The following GOLIM4 variants were observed in gnomAD, a reference collection of about 807,000 sequenced individuals.
GOLIM4 encodes 130 kDa golgi-localized phosphoprotein.
GOLIM4 carries 71 observed loss-of-function variants against 107.4 expected under a neutral mutation model. That is an observed-to-expected ratio of 0.66 (90% CI 0.55 to 0.81). The LOEUF is 0.81. GOLIM4 is among the 30% of genes least tolerant of loss of function. GOLIM4 has a pLI of 0.00. For synonymous variants in GOLIM4, 327 were observed against 294.8 expected, an observed-to-expected ratio of 1.11 and a Z score of -1.12; for missense variants, 830 against 826.1, an observed-to-expected ratio of 1.00 and a Z score of -0.06.
intron 9 of GOLIM4, among the ~76,000 whole-genome samples, chr3:168,030,715 C>T (rs925347174): frequency 8.5e-5 from 13 of 152,182 alleles, no homozygotes; most frequent in East Asian, 3.9e-4. Flanking sequence ...CAACAACAAA[C>T]GCTAGTGAGG....
intron 1 of GOLIM4, among the ~76,000 whole-genome samples, chr3:168,064,602 A>ATTT (rs202087898): frequency 6.5e-4 from 94 of 144,500 alleles, no homozygotes; most frequent in African/African-American, 1.1e-3. Flanking sequence ...ATACTTGGGG[A>ATTT]TTTTTTTTTT....
intron 14 of GOLIM4, among the ~76,000 whole-genome samples, chr3:168,012,828 C>G (rs1476891656): frequency 6.6e-6 from 1 of 151,992 alleles, no homozygotes; most frequent in Non-Finnish European, 1.5e-5. Context: ...CCTTTACAGA[C>G]AAGCAAATGC....
chr3:168,070,087 T>C (rs1026317512), intron 1 of GOLIM4, among the ~76,000 whole-genome samples: 1 of 152,156 alleles, frequency 6.6e-6, no homozygotes, highest in African/African-American at 2.4e-5. Context: ...CCAAAGGTCA[T>C]CCAGGTATTT....
In GOLIM4 at chr3:168,027,671, C is replaced by A. The variant is rs978644277; in HGVS notation, c.1623+57G>T. On this transcript the variant is annotated intron_variant, in intron 12 of 15. Coordinates refer to ENST00000470487, the MANE Select transcript of GOLIM4 (RefSeq NM_014498.5). ...AGGCTGGCATCAGGCAAGTTTTCAA[C>A]TCTCTTTCCCACCTTATGAGTTTAC... is the stretch of plus-strand genomic sequence containing the variant. The A allele has an allele frequency of 9.4e-6, 10 of 1,065,874 alleles. No individual in the cohort carries two copies. In the African/African-American group the frequency reaches 1.4e-4, roughly 15 times the overall value. The allele number at this position is 1,065,874 out of a possible 1,614,324, so 66.0% of individuals were successfully genotyped here.
At position 168,010,378 on chromosome 3, in the gene GOLIM4, C is replaced by T. The variant is rs192864785; in HGVS notation, c.1982G>A (p.Arg661Gln). 2 of 1,611,776 alleles carry T rather than the reference C, an allele frequency of 1.2e-6. No individual in the cohort carries two copies. Among genetic ancestry groups the T allele is most frequent in the Non-Finnish European group, 1.7e-6 (2 of 1,178,202 alleles). Residue 661 changes from arginine to glutamine, a missense_variant, in exon 16 of 16, where the codon CGA becomes CAA. Transcript: ENST00000470487. ...KNNDGEEQEV[R>Q]DDNRPKGREE... ...TCGGCCTTTGGGGCGGTTGTCATCT[C>T]GAACTTCTTGCTCTTCTCCATCATT...
intron 1 of GOLIM4, among the ~76,000 whole-genome samples, chr3:168,087,566 G>T (rs1292128045): frequency 1.3e-5 from 2 of 152,160 alleles, no homozygotes; most frequent in East Asian, 3.8e-4. Context: ...CCCTGGAAAT[G>T]CTGCATCAAA....
intron 1 of GOLIM4, among the ~76,000 whole-genome samples, chr3:168,084,578 T>C (rs1333738519): frequency 6.6e-6 from 1 of 152,084 alleles, no homozygotes; most frequent in Non-Finnish European, 1.5e-5. Flanking sequence ...CATGGCAGAG[T>C]CACCCAGTTA....
At chr3:168,034,293 G>A (rs1718515463) in intron 8 of GOLIM4, among the ~76,000 whole-genome samples, 1 of 152,198 alleles carries the variant, frequency 6.6e-6, no homozygotes, top group African/African-American at 2.4e-5. Context: ...GGTTAGTGCA[G>A]ATAACTCCTA....
At chr3:168,060,246 A>G (rs1720188433) in intron 1 of GOLIM4, among the ~76,000 whole-genome samples, 1 of 152,126 alleles carries the variant, frequency 6.6e-6, no homozygotes, top group Admixed American at 6.6e-5. Context: ...CTGAGCAGAA[A>G]TGATGTTGAC....
At chr3:168,088,177 G>C (rs758751177) in intron 1 of GOLIM4, among the ~76,000 whole-genome samples, 1 of 152,044 alleles carries the variant, frequency 6.6e-6, no homozygotes, top group South Asian at 2.1e-4. Context: ...AGCATTTTCA[G>C]GTTTTTTCCA....
At chr3:168,068,259 G>A (rs1279787715) in intron 1 of GOLIM4, among the ~76,000 whole-genome samples, 1 of 151,978 alleles carries the variant, frequency 6.6e-6, no homozygotes, top group Admixed American at 6.5e-5. Context: ...ATTCATGGAT[G>A]CATTTTTCTG....
At chr3:168,064,652 G>A (rs1457517835) in intron 1 of GOLIM4, among the ~76,000 whole-genome samples, 1 of 150,316 alleles carries the variant, frequency 6.7e-6, no homozygotes, top group Admixed American at 6.6e-5. Context: ...GCCCAGGCTG[G>A]TCTCAAACTC....
intron 8 of GOLIM4, among the ~76,000 whole-genome samples, chr3:168,033,761 G>A (rs1718483544): frequency 6.6e-6 from 1 of 150,468 alleles, no homozygotes; most frequent in Non-Finnish European, 1.5e-5. Flanking sequence ...GGACTCTTTT[G>A]TAAACATTTT....
At chr3:168,021,084 C>A (rs1423694120) in intron 14 of GOLIM4, among the ~76,000 whole-genome samples, 1 of 152,090 alleles carries the variant, frequency 6.6e-6, no homozygotes, top group Non-Finnish European at 1.5e-5. Flanking sequence ...AGAAATGAGC[C>A]TTATCTGATG....
chr3:168,057,846 C>T (rs879351446), intron 1 of GOLIM4, among the ~76,000 whole-genome samples: 2 of 152,138 alleles, frequency 1.3e-5, no homozygotes, highest in African/African-American at 4.8e-5. Flanking sequence ...TAGTGATATT[C>T]GACAGCACTT....
chr3:168,074,104 G>A (rs904161544), intron 1 of GOLIM4, among the ~76,000 whole-genome samples: 5 of 152,214 alleles, frequency 3.3e-5, no homozygotes, highest in African/African-American at 1.2e-4. Flanking sequence ...CCGAGGAGGG[G>A]CGCACACAGA....
At chr3:168,046,805 C>CAAAAAAAAAAAAA (rs1719330723) in intron 3 of GOLIM4, 145 bp downstream of exon 3, 1 of 398,098 alleles carries the variant, frequency 2.5e-6, no homozygotes, top group African/African-American at 2.7e-5. Context: ...TTTTTGGCAG[C>CAAAAAAAAAAAAA]CAAAAAAAAA....
At chr3:168,034,856 T>C (rs557655117) in intron 8 of GOLIM4, among the ~76,000 whole-genome samples, 2 of 152,350 alleles carry the variant, frequency 1.3e-5, no homozygotes, top group Admixed American at 1.3e-4. Flanking sequence ...CCTGCTGCCA[T>C]CCATGGAAGA....
At chr3:168,092,773 A>G (rs540057670) in intron 1 of GOLIM4, among the ~76,000 whole-genome samples, 41 of 152,298 alleles carry the variant, frequency 2.7e-4, no homozygotes, top group Non-Finnish European at 5.1e-4. Flanking sequence ...ACCACCAGAA[A>G]ATGTACATTA....
Sources: gnomAD v4.1 joint callset for allele counts (sites outside exome capture counted in the v4.1 genomes callset) on GRCh38, gnomAD v4.1.1 for gene constraint, MANE v1.5 for transcripts, NCBI Gene and HGNC (gene_info 2026-07-23, HGNC 2026-07-21) for gene names.